The following NTRK3 variants were observed in gnomAD, a reference collection of about 807,000 sequenced individuals.
NTRK3 encodes the protein neurotrophic receptor tyrosine kinase 3.
A neutral mutation model predicts 91.7 loss-of-function variants in NTRK3; 24 were observed. That is an observed-to-expected ratio of 0.26 (90% CI 0.19 to 0.37). The LOEUF (loss-of-function observed/expected upper bound fraction) is 0.37, where lower values mean the gene tolerates loss of function less well. Among genes scored for constraint, NTRK3 ranks in the 10% least tolerant of loss-of-function variants. NTRK3 has a pLI of 1.00. For missense variants in NTRK3, 880 were observed against 1,068.9 expected (o/e 0.82, Z 2.46); for synonymous variants, 483 against 404.0 (o/e 1.20, Z -2.34).
intron 17 of NTRK3, among the ~76,000 whole-genome samples, chr15:87,909,955 C>T (rs895684980): frequency 6.6e-6 from 1 of 152,156 alleles, no homozygotes; most frequent in Non-Finnish European, 1.5e-5. Flanking sequence ...GTTGTTGAAG[C>T]CCCCAGTCTG....
intron 18 of NTRK3, 38 bp downstream of exon 19, chr15:87,880,232 C>A (rs1560975): frequency 1.2e-6 from 2 of 1,612,946 alleles, no homozygotes; most frequent in East Asian, 4.5e-5. Context: ...TCTTATGAGC[C>A]CTCCCCCAAT....
chr15:87,981,974 T>C (rs1596514693), intron 14 of NTRK3, among the ~76,000 whole-genome samples: 1 of 152,140 alleles, frequency 6.6e-6, no homozygotes, highest in African/African-American at 2.4e-5. Flanking sequence ...AGACTACAAC[T>C]TCTATAAAGA....
intron 3 of NTRK3, among the ~76,000 whole-genome samples, chr15:88,202,379 C>G (rs545809175): frequency 3.1e-4 from 47 of 152,304 alleles, no homozygotes; most frequent in African/African-American, 9.6e-4. Context: ...GGCTCCTCTC[C>G]CAGCCAGCTG....
intron 3 of NTRK3, among the ~76,000 whole-genome samples, chr15:88,212,576 G>T (rs190531866): frequency 2.0e-5 from 3 of 152,028 alleles, no homozygotes; most frequent in Non-Finnish European, 4.4e-5. Context: ...GATGGACCTC[G>T]TTCCTACCCA....
chr15:88,211,369 G>A (rs1406821268), intron 3 of NTRK3, among the ~76,000 whole-genome samples: 2 of 152,176 alleles, frequency 1.3e-5, no homozygotes, highest in Admixed American at 6.5e-5. Flanking sequence ...CTGAATAATA[G>A]GCCGTTATAG....
chr15:87,946,729 T>C (rs28488628), intron 14 of NTRK3, among the ~76,000 whole-genome samples: 17,361 of 152,182 alleles, frequency 0.11, 2,268 homozygotes, highest in African/African-American at 0.32. Context: ...GGATTCCATC[T>C]CGCTCTGCAC....
exon 19 of NTRK3, chr15:87,876,503 T>C (rs1388235706): frequency 4.5e-6 from 1 of 224,000 alleles, no homozygotes; most frequent in Non-Finnish European, 8.9e-6. Context: ...CCAAAGATTG[T>C]CTCTCTGCAT....
chr15:88,198,495 C>T (rs1170477692), intron 3 of NTRK3, among the ~76,000 whole-genome samples: 1 of 152,192 alleles, frequency 6.6e-6, no homozygotes, highest in Non-Finnish European at 1.5e-5. Flanking sequence ...CAGTCACAGT[C>T]ACTCAGTGAT....
chr15:88,201,469 C>T (rs1001493807), intron 3 of NTRK3, among the ~76,000 whole-genome samples: 7 of 152,150 alleles, frequency 4.6e-5, no homozygotes, highest in African/African-American at 1.4e-4. Context: ...CATCTGAATT[C>T]TATAATGGTA....
intron 14 of NTRK3, among the ~76,000 whole-genome samples, chr15:88,020,647 C>A (rs1474754712): frequency 3.3e-5 from 5 of 152,172 alleles, no homozygotes; most frequent in Non-Finnish European, 7.3e-5. Context: ...ACCGCTTCAT[C>A]TCAAAAGATA....
chr15:88,050,903 C>T (rs1472771113), intron 13 of NTRK3, among the ~76,000 whole-genome samples: 2 of 152,138 alleles, frequency 1.3e-5, no homozygotes, highest in Non-Finnish European at 2.9e-5. Context: ...CTCCCTGCCA[C>T]AAACTATAAT....
rs542424229 is a variant in NTRK3, at chr15:88,189,375, A to T, written c.249-5076T>A. On this transcript the variant is annotated intron_variant, in intron 3 of 18. Transcript: ENST00000394480. Reference sequence around the variant, plus strand: ...AATATTAATTGATACATTCATGGGGACTACAAACATTCTTTGTGCTAGAAT... The same window carrying T: ...AATATTAATTGATACATTCATGGGGTCTACAAACATTCTTTGTGCTAGAAT... Among the ~76,000 whole-genome samples the T allele has an allele frequency of 2.0e-5, 3 of 152,236 alleles. No individual in the cohort carries two copies. In the East Asian group the frequency reaches 5.8e-4, roughly 29 times the overall value.
At chr15:87,948,027 C>G (rs1374288141) in intron 14 of NTRK3, among the ~76,000 whole-genome samples, 1 of 152,140 alleles carries the variant, frequency 6.6e-6, no homozygotes, top group Non-Finnish European at 1.5e-5. Context: ...TGCCCTCACA[C>G]TTTCTCCTGG....
At chr15:88,236,855 C>T (rs1362656663) in intron 3 of NTRK3, among the ~76,000 whole-genome samples, 2 of 151,780 alleles carry the variant, frequency 1.3e-5, no homozygotes, top group African/African-American at 4.8e-5. Context: ...GTGGCTCCCC[C>T]TGGGGAGGCA....
At chr15:88,119,000 G>A (rs548717901) in intron 13 of NTRK3, among the ~76,000 whole-genome samples, 1 of 152,242 alleles carries the variant, frequency 6.6e-6, no homozygotes, top group Non-Finnish European at 1.5e-5. Flanking sequence ...CCAGCTAGCA[G>A]GTAGCCACAG....
At chr15:88,230,350 C>A (rs1278505589) in intron 3 of NTRK3, among the ~76,000 whole-genome samples, 3 of 152,126 alleles carry the variant, frequency 2.0e-5, no homozygotes, top group African/African-American at 7.2e-5. Context: ...CCTGTTGTTC[C>A]CACAAGTATC....
chr15:87,913,544 C>T (rs939377695), intron 17 of NTRK3, among the ~76,000 whole-genome samples: 1 of 152,136 alleles, frequency 6.6e-6, no homozygotes, highest in Non-Finnish European at 1.5e-5. Flanking sequence ...TTCTTCTCAT[C>T]ACTCCACTCT....
At chr15:88,005,876 A>G (rs1277771505) in intron 14 of NTRK3, among the ~76,000 whole-genome samples, 1 of 152,204 alleles carries the variant, frequency 6.6e-6, no homozygotes, top group African/African-American at 2.4e-5. Flanking sequence ...GAGGAAATCT[A>G]TCTTCACATC....
intron 14 of NTRK3, among the ~76,000 whole-genome samples, chr15:88,016,803 A>AT (rs923262810): frequency 1.6e-4 from 24 of 150,602 alleles, no homozygotes; most frequent in East Asian, 3.9e-4. Flanking sequence ...GGAGAGTGTC[A>AT]TTTTTTTTTC....
Sources: allele counts gnomAD v4.1 joint callset (sites outside exome capture counted in the v4.1 genomes callset), GRCh38; gene constraint gnomAD v4.1.1; transcripts MANE v1.5; gene names NCBI Gene and HGNC (gene_info 2026-07-23, HGNC 2026-07-21).